The following DIDO1 variants were observed in gnomAD, a reference collection of about 807,000 sequenced individuals.
The protein encoded by DIDO1 is death-inducer obliterator 1.
Under a neutral mutation model 99.4 loss-of-function variants are expected in DIDO1, and 16 were observed. The observed-to-expected ratio is 0.16, with a 90% CI of 0.11 to 0.24. The LOEUF is 0.24. Among genes scored for constraint, DIDO1 ranks in the 10% least tolerant of loss-of-function variants. The pLI, the probability that DIDO1 is intolerant of heterozygous loss-of-function variation, is 1.00. For synonymous variants in DIDO1, 1,366 were observed against 1,239.1 expected (o/e 1.10, Z -2.15); for missense variants, 2,996 against 3,014.0 (o/e 0.99, Z 0.14).
upstream of DIDO1, among the ~76,000 whole-genome samples, chr20:62,929,692 A>AAAAAAAAAAAAATATATATATATATAT: frequency 6.3e-5 from 4 of 63,710 alleles, no homozygotes; most frequent in African/African-American, 3.0e-4. Context: ...AAAAAGAAAA[A>AAAAAAAAAAAAATATATATATATATAT]GTGTATATAT....
intron 14 of DIDO1, 140 bp from the exon 15 acceptor site, chr20:62,891,295 G>C: frequency 7.0e-7 from 1 of 1,420,088 alleles, no homozygotes; most frequent in African/African-American, 1.4e-5. Context: ...TGCTGTCTCA[G>C]TGAGGCAATT....
At chr20:62,882,676 C>A (rs1266280367) in intron 15 of DIDO1, among the ~76,000 whole-genome samples, 1 of 152,062 alleles carries the variant, frequency 6.6e-6, no homozygotes. Flanking sequence ...GTGAAGGGGG[C>A]GACTAACCCC....
At chr20:62,889,307 G>A (rs987614307) in intron 15 of DIDO1, 42 of 985,476 alleles carry the variant, frequency 4.3e-5, no homozygotes, top group South Asian at 1.4e-4. Flanking sequence ...CCTGGGCCCC[G>A]TCACTGCCCA....
rs2064461442 is a variant in DIDO1 at position 62,894,102 on chromosome 20, T to G, written c.2665A>C (p.Ser889Arg). 6.2e-7 allele frequency: 1 copy of G among 1,614,144 alleles called. No individual in the cohort carries two copies. The highest frequency in any genetic ancestry group is 8.5e-7 in the Non-Finnish European group (1 of 1,180,054). The change falls in exon 12 of 16, where the codon AGC becomes CGC. Residue 889 changes from serine to arginine, a missense_variant. Physicochemically the swap from Ser to Arg is moderately radical, Grantham distance 110 (BLOSUM62 -1). Transcript: ENST00000395343. The surrounding 1 kb of genome is among the most constrained non-coding windows in gnomAD (Gnocchi z 4.4). ...KKEDLKSKHD[S>R]SAPDPAPDSA... is the part of the protein sequence containing the mutation. ...TCCGGAGCTGGGTCAGGTGCAGAGC[T>G]GTCATGCTTTGATTTTAAGTCTTCT...
intron 15 of DIDO1, among the ~76,000 whole-genome samples, chr20:62,887,016 T>C (rs1163584868): frequency 6.6e-6 from 1 of 150,818 alleles, no homozygotes; most frequent in Non-Finnish European, 1.5e-5. Context: ...GACGTCCATC[T>C]TCTTCTGGGT....
At chr20:62,920,077 G>A (rs1483010308) in intron 1 of DIDO1, among the ~76,000 whole-genome samples, 2 of 152,132 alleles carry the variant, frequency 1.3e-5, no homozygotes, top group African/African-American at 4.8e-5. Context: ...GATTCCTGTT[G>A]CTCTTAATAA....
intron 1 of DIDO1, among the ~76,000 whole-genome samples, chr20:62,926,181 C>CCCCGAGTG (rs1182700433): frequency 3.9e-5 from 6 of 152,044 alleles, no homozygotes; most frequent in Non-Finnish European, 8.8e-5. Context: ...GTCCCCTCGA[C>CCCCGAGTG]CTCACGCAGC....
chr20:62,879,481 G>C lies in DIDO1; in HGVS notation c.6475C>G (p.Arg2159Gly). 6.3e-7 allele frequency: 1 copy of C among 1,585,562 alleles called. No homozygotes were observed. The highest frequency in any genetic ancestry group is 8.5e-7 in the Non-Finnish European group (1 of 1,172,906). Residue 2159 changes from arginine (R) to glycine (G), a missense_variant, in exon 16 of 16, where the codon CGA becomes GGA. Arg to Gly is a moderately radical substitution (Grantham distance 125, BLOSUM62 -2). This residue lies in a region of DIDO1 where 1,562 missense variants were observed against 1,412.6 expected (regional missense o/e 1.11). Transcript: ENST00000395343. This position sits in a 1 kb window ranked among gnomAD's most constrained non-coding sequence, Gnocchi z 6.3. The part of the protein sequence containing the change: ...RNRERSANRD[R>G]EREADRGKEW... ...TTGCCCCGGTCGGCCTCGCGCTCTC[G>C]GTCGCGGTTGGCGCTCCTCTCCCGG... is the stretch of plus-strand genomic sequence containing the variant.
At chr20:62,887,871 G>GC in intron 15 of DIDO1, 27 of 985,480 alleles carry the variant, frequency 2.7e-5, no homozygotes, top group African/African-American at 3.5e-5. Flanking sequence ...CCTCCCAGCT[G>GC]CCCCCCACCG....
chr20:62,880,683 G>A lies in DIDO1; in HGVS notation c.5273C>T (p.Pro1758Leu), dbSNP rs1242486931. The A allele has an allele frequency of 1.2e-5, 20 of 1,612,674 alleles. No individual in the cohort carries two copies. The highest frequency in any genetic ancestry group is 1.6e-5 in the Non-Finnish European group (19 of 1,179,968). ...PPFQGQREPGPHALGMSGLHG... is the reference protein window; with the variant it reads ...PPFQGQREPGLHALGMSGLHG... ...AAGCCCTGACATCCCCAAAGCATGA[G>A]GTCCAGGTTCCCGCTGACCCTGAAA... Residue 1758 changes from proline to leucine, a missense_variant, in exon 16 of 16, where the codon CCT becomes CTT. By Grantham distance (98) the Pro-to-Leu change is moderately conservative (BLOSUM62 -3). Coordinates refer to ENST00000395343, the MANE Select transcript of DIDO1 (RefSeq NM_001193369.2).
chr20:62,900,328 G>C (rs982077250), intron 6 of DIDO1, among the ~76,000 whole-genome samples: 1 of 152,286 alleles, frequency 6.6e-6, no homozygotes, highest in African/African-American at 2.4e-5. Flanking sequence ...GAATGAAGCA[G>C]GTCGTCGTCG....
At chr20:62,886,804 A>C (rs1474493121) in intron 15 of DIDO1, among the ~76,000 whole-genome samples, 2 of 152,246 alleles carry the variant, frequency 1.3e-5, no homozygotes, top group Admixed American at 1.3e-4. Flanking sequence ...GCTGGAACAG[A>C]AACGGTGTGG....
At chr20:62,924,164 G>A (rs1312427377) in intron 1 of DIDO1, among the ~76,000 whole-genome samples, 1 of 152,154 alleles carries the variant, frequency 6.6e-6, no homozygotes, top group Non-Finnish European at 1.5e-5. Context: ...TTTGATAGTA[G>A]TCATAAAAAG....
chr20:62,886,527 T>C (rs542808274), intron 15 of DIDO1, among the ~76,000 whole-genome samples: 1 of 152,232 alleles, frequency 6.6e-6, no homozygotes, highest in South Asian at 2.1e-4. Context: ...TCCAGGTGTG[T>C]CGCAACAGGG....
At chr20:62,891,762 C>CT (rs5842402) in intron 14 of DIDO1, among the ~76,000 whole-genome samples, 91 of 148,694 alleles carry the variant, frequency 6.1e-4, no homozygotes, top group Middle Eastern at 3.5e-3. Context: ...ACTATGTAAA[C>CT]TTTTTTTTTT....
At chr20:62,914,820 C>T (rs539402210) in intron 1 of DIDO1, among the ~76,000 whole-genome samples, 2 of 152,112 alleles carry the variant, frequency 1.3e-5, no homozygotes, top group Non-Finnish European at 2.9e-5. Context: ...GGCTGAACAT[C>T]GAAATTATAT....
rs569783890 is a variant in DIDO1 at position 62,919,333 on chromosome 20, G to C, written c.-199-4927C>G. Among the ~76,000 whole-genome samples the C allele has an allele frequency of 3.9e-5, 6 of 152,268 alleles. No homozygotes were observed. The East Asian group carries it at 1.2e-3, about 29-fold the overall frequency. Reference sequence around the variant, plus strand: ...GCAGGTGGATCACCTGAGGTCAGGAGTTTGAGACCAGCCTGGCCAACATGG... The same window carrying C: ...GCAGGTGGATCACCTGAGGTCAGGACTTTGAGACCAGCCTGGCCAACATGG... On this transcript the variant is annotated intron_variant, in intron 1 of 15. Transcript: ENST00000395343.
At chr20:62,927,638 G>A (rs897007813), upstream of DIDO1, among the ~76,000 whole-genome samples, 2 of 152,246 alleles carry the variant, frequency 1.3e-5, no homozygotes, top group East Asian at 3.8e-4. Flanking sequence ...AGTAAAAGGG[G>A]CCCAGAGTGC....
At chr20:62,937,201 CA>C (rs2065398249) in intron 1 of DIDO1, among the ~76,000 whole-genome samples, 1 of 152,272 alleles carries the variant, frequency 6.6e-6, no homozygotes, top group Non-Finnish European at 1.5e-5. Flanking sequence ...AGCTGCCCCT[CA>C]AGGACTCTAT....
Sources: gnomAD v4.1 joint callset for allele counts (sites outside exome capture counted in the v4.1 genomes callset) on GRCh38, gnomAD v4.1.1 for gene constraint, gnomAD v4.1.1 regional missense constraint, Gnocchi (gnomAD v3.1) non-coding constraint, MANE v1.5 for transcripts, NCBI Gene and HGNC (gene_info 2026-07-23, HGNC 2026-07-21) for gene names.